ATP2B2: variants seen among roughly 807,000 people sequenced by gnomAD.
ATP2B2 encodes ATPase plasma membrane Ca2+ transporting 2, also known as plasma membrane calcium-transporting ATPase 2.
ATP2B2 carries 15 observed loss-of-function variants against 120.0 expected under a neutral mutation model. The observed-to-expected ratio is 0.12, with a 90% confidence interval of 0.08 to 0.19. The LOEUF (loss-of-function observed/expected upper bound fraction) is 0.19, where lower values mean the gene tolerates loss of function less well. Among genes scored for constraint, ATP2B2 ranks in the 10% least tolerant of loss-of-function variants. The pLI is 1.00. For synonymous variants in ATP2B2, 694 were observed against 700.3 expected (o/e 0.99, Z 0.14); for missense variants, 1,045 against 1,719.8 (o/e 0.61, Z 6.94).
At position 10,449,550 on chromosome 3, in the gene ATP2B2, T is replaced by C; in HGVS notation, c.-7A>G. 6.2e-7 allele frequency: 1 copy of C among 1,614,262 alleles called. No homozygotes were observed. Among genetic ancestry groups the C allele is most frequent in the Non-Finnish European group, 8.5e-7 (1 of 1,180,048 alleles). ...TGTTGGTCATGTCACCCATGTTTGC[T>C]GCGGTCCTTGCTCGGGCTGGGCCCA... is the stretch of plus-strand genomic sequence containing the variant. On this transcript the variant is annotated 5_prime_UTR_variant, in exon 2 of 23. Transcript: ENST00000360273.
chr3:10,390,537 T>C (rs1171851138), intron 5 of ATP2B2, among the ~76,000 whole-genome samples: 1 of 151,604 alleles, frequency 6.6e-6, no homozygotes, highest in Non-Finnish European at 1.5e-5. Flanking sequence ...CTTGCAACAA[T>C]CTAGCCTCTT....
chr3:10,670,007 A>G (rs1011625548), intron 1 of ATP2B2, among the ~76,000 whole-genome samples: 1 of 152,224 alleles, frequency 6.6e-6, no homozygotes, highest in African/African-American at 2.4e-5. Flanking sequence ...AAAATTAAGT[A>G]CAGATCAGCT....
At chr3:10,423,590 T>G (rs978553278) in intron 2 of ATP2B2, among the ~76,000 whole-genome samples, 1 of 152,192 alleles carries the variant, frequency 6.6e-6, no homozygotes, top group African/African-American at 2.4e-5. Flanking sequence ...CTCAGCCCTT[T>G]GGGAAAATGG....
At chr3:10,686,069 G>C (rs539730640) in intron 1 of ATP2B2, among the ~76,000 whole-genome samples, 1 of 85,716 alleles carries the variant, frequency 1.2e-5, no homozygotes, top group South Asian at 3.7e-4. Context: ...TTTTTTTTGA[G>C]ACGGTCCTCC....
At chr3:10,543,699 A>C (rs2067484803) in intron 2 of ATP2B2, among the ~76,000 whole-genome samples, 1 of 151,942 alleles carries the variant, frequency 6.6e-6, no homozygotes, top group South Asian at 2.1e-4. Context: ...ATTTGGAGAG[A>C]TATAACCTAC....
intron 2 of ATP2B2, among the ~76,000 whole-genome samples, chr3:10,618,709 C>A (rs2125620697): frequency 6.6e-6 from 1 of 152,282 alleles, no homozygotes. Flanking sequence ...ATCACTACTA[C>A]AACACACTTG....
Position 10,378,415 on chromosome 3 carries a change from A to G in ATP2B2, c.1043-5T>C. The G allele has an allele frequency of 6.2e-7, 1 of 1,600,440 alleles. No individual in the cohort carries two copies. The highest frequency in any genetic ancestry group is 8.5e-7 in the Non-Finnish European group (1 of 1,179,944). On this transcript the variant is annotated splice_region_variant and splice_polypyrimidine_tract_variant and intron_variant, in intron 9 of 22. Coordinates refer to ENST00000360273, the MANE Select transcript of ATP2B2 (RefSeq NM_001001331.4). The stretch of plus-strand genomic sequence containing the variant: ...CTGCCCCGTCCTGTTGTTTGGCTGC[A>G]GGGGGCAGATCACGCACGTGCATAC...
chr3:10,350,953 A>G (rs1224034694), intron 14 of ATP2B2, among the ~76,000 whole-genome samples: 1 of 152,226 alleles, frequency 6.6e-6, no homozygotes, highest in African/African-American at 2.4e-5. Context: ...AAGCTTGGCC[A>G]GGTGAACTTC....
chr3:10,481,880 T>G (rs963926440), intron 1 of ATP2B2, among the ~76,000 whole-genome samples: 13 of 152,192 alleles, frequency 8.5e-5, no homozygotes, highest in Non-Finnish European at 1.6e-4. Flanking sequence ...AAATAACACT[T>G]ACACCCACTA....
intron 14 of ATP2B2, among the ~76,000 whole-genome samples, chr3:10,351,711 T>A (rs965371814): frequency 6.6e-6 from 1 of 152,198 alleles, no homozygotes; most frequent in Non-Finnish European, 1.5e-5. Context: ...AATGAGCGCA[T>A]CACGGTAAGC....
At chr3:10,462,361 T>A (rs896530019) in intron 1 of ATP2B2, among the ~76,000 whole-genome samples, 1 of 152,148 alleles carries the variant, frequency 6.6e-6, no homozygotes, top group African/African-American at 2.4e-5. Context: ...AGCATCAGCA[T>A]AAAGGCTCAG....
chr3:10,591,717 C>A (rs537385364), intron 2 of ATP2B2, among the ~76,000 whole-genome samples: 1 of 152,176 alleles, frequency 6.6e-6, no homozygotes, highest in South Asian at 2.1e-4. Flanking sequence ...TTCTAACAGC[C>A]TCGATGGTTC....
At chr3:10,671,793 GTGA>G (rs2071103853) in intron 1 of ATP2B2, among the ~76,000 whole-genome samples, 1 of 152,156 alleles carries the variant, frequency 6.6e-6, no homozygotes, top group African/African-American at 2.4e-5. Flanking sequence ...GTGGGGTGAG[GTGA>G]TGAACATTTT....
Position 10,402,709 on chromosome 3 carries a change from C to T in ATP2B2, c.398-361G>A, listed in dbSNP as rs1446667675. ...TCTGCCTTGGTTCTAGCTGTGAGAT[C>T]TTGGGCAAATGACTCCCTTTCTGAA... On this transcript the variant is annotated intron_variant, in intron 3 of 22. Transcript: ENST00000360273. This position sits in a 1 kb window ranked among gnomAD's most constrained non-coding sequence, Gnocchi z 4.9. 6.6e-6 allele frequency among the ~76,000 whole-genome samples: 1 copy of T among 152,146 alleles called. No homozygotes were observed. The highest frequency in any genetic ancestry group is 1.9e-4 in the East Asian group (1 of 5,180).
chr3:10,704,955 A>G (rs778073210), intron 1 of ATP2B2, among the ~76,000 whole-genome samples: 21 of 152,216 alleles, frequency 1.4e-4, no homozygotes, highest in Non-Finnish European at 2.9e-4. Context: ...TTATGCTACT[A>G]AAAATCCTCT....
rs2059915526 is a variant in ATP2B2, at chr3:10,329,183, G to C, written c.3421-58C>G. 1 of 1,524,992 alleles carries C rather than the reference G, an allele frequency of 6.6e-7. No individual in the cohort carries two copies. Among genetic ancestry groups the C allele is most frequent in the Non-Finnish European group, 9.0e-7 (1 of 1,112,148 alleles). The allele number at this position is 1,524,992 out of a possible 1,614,324, so 94.5% of individuals were successfully genotyped here. A position where few individuals can be genotyped will look rare whatever the true frequency, so the allele number is the denominator to read the frequency against. On this transcript the variant is annotated intron_variant, in intron 22 of 22. Coordinates refer to ENST00000360273, the MANE Select transcript of ATP2B2 (RefSeq NM_001001331.4). This position sits in a 1 kb window ranked among gnomAD's most constrained non-coding sequence, Gnocchi z 5.9. Reference sequence around the variant, plus strand: ...CCCAGGGACCACAGCCAGGCTCGGGGGGCTCACAGGAGGGGCGGGTGGGAG... The same window carrying C: ...CCCAGGGACCACAGCCAGGCTCGGGCGGCTCACAGGAGGGGCGGGTGGGAG...
rs1030942133 is a variant in ATP2B2, at chr3:10,529,320, G to A, written c.-320+4719C>T. ...CCCCTATCCAACAACAGCCAGTTGCGTACTTACCTGTTTTGTGGCCTTCCT... is the reference window on the plus strand; with the variant it reads ...CCCCTATCCAACAACAGCCAGTTGCATACTTACCTGTTTTGTGGCCTTCCT... On this transcript the variant is annotated intron_variant, in intron 3 of 21. Coordinates refer to the ATP2B2 transcript ENST00000646379. Among the ~76,000 whole-genome samples, 9 of 152,198 alleles carry A rather than the reference G, an allele frequency of 5.9e-5. No homozygotes were observed. The East Asian group carries it at 1.3e-3, about 23-fold the overall frequency.
intron 2 of ATP2B2, among the ~76,000 whole-genome samples, chr3:10,561,270 T>C (rs920690341): frequency 2.0e-5 from 3 of 152,148 alleles, no homozygotes; most frequent in East Asian, 1.9e-4. Context: ...ACTGATTGAA[T>C]GAGTAATGGG....
intron 2 of ATP2B2, among the ~76,000 whole-genome samples, chr3:10,437,241 AATGATG>A (rs56333236): frequency 6.6e-6 from 1 of 151,782 alleles, no homozygotes; most frequent in African/African-American, 2.4e-5. Context: ...TAACCTATAT[AATGATG>A]ATGATGATAA....
Sources: gnomAD v4.1 joint callset for allele counts (sites outside exome capture counted in the v4.1 genomes callset) on GRCh38, gnomAD v4.1.1 for gene constraint, Gnocchi (gnomAD v3.1) non-coding constraint, MANE v1.5 for transcripts, NCBI Gene and HGNC (gene_info 2026-07-23, HGNC 2026-07-21) for gene names.